The following SLC38A8 variants were observed in gnomAD, a reference collection of about 807,000 sequenced individuals.
The protein encoded by SLC38A8 is solute carrier family 38 member 8, also known as amino acid transporter SLC38A8.
In SLC38A8, 65 loss-of-function variants were observed where a neutral mutation model predicts 46.0. The observed-to-expected ratio is 1.41, with a 90% CI of 1.16 to 1.74. The LOEUF is 1.74. Among genes scored for constraint, SLC38A8 ranks in the 40% most tolerant of loss-of-function variants. The pLI is 0.00. For synonymous variants in SLC38A8, 447 were observed against 243.7 expected, an observed-to-expected ratio of 1.83 and a Z score of -7.77; for missense variants, 998 against 567.9, an observed-to-expected ratio of 1.76 and a Z score of -7.70.
chr16:84,018,334 G>A (rs939136770), intron 7 of SLC38A8, among the ~76,000 whole-genome samples: 28 of 142,176 alleles, frequency 2.0e-4, no homozygotes, highest in African/African-American at 6.6e-4. Flanking sequence ...CTGGGTTCAC[G>A]CCATTCTCCT....
In SLC38A8 at chr16:84,016,678, G is replaced by A. The variant is rs2085030555; in HGVS notation, c.1003C>T (p.Pro335Ser). The A allele has an allele frequency of 1.2e-6, 2 of 1,613,414 alleles. No homozygotes were observed. The highest frequency in any genetic ancestry group is 1.7e-6 in the Non-Finnish European group (2 of 1,179,994). The change falls in exon 9 of 11, where the codon CCC (proline) becomes TCC (serine). Residue 335 changes from proline to serine, a missense_variant. Coordinates refer to ENST00000299709, the MANE Select transcript of SLC38A8 (RefSeq NM_001080442.3). ...WRRSCLGGWG[P>S]SALADPSGLW... ...CCTGAGGGGTCGGCCAGGGCGCTGGGCCCCCATCCCCCCAAGCAGCTCCTC... is the reference window on the plus strand; with the variant it reads ...CCTGAGGGGTCGGCCAGGGCGCTGGACCCCCATCCCCCCAAGCAGCTCCTC...
chr16:84,027,408 G>A, intron 6 of SLC38A8, among the ~76,000 whole-genome samples: 1 of 152,128 alleles, frequency 6.6e-6, no homozygotes, highest in East Asian at 1.9e-4. Flanking sequence ...AAGTCCTGGT[G>A]TAGCCGCATT....
chr16:84,010,508 A>T (rs2084940766), intron 10 of SLC38A8, among the ~76,000 whole-genome samples: 1 of 152,120 alleles, frequency 6.6e-6, no homozygotes, highest in Non-Finnish European at 1.5e-5. Flanking sequence ...TGGGAGGCTG[A>T]GGCAGGCGGA....
chr16:84,016,823 C>G, intron 8 of SLC38A8, 96 bp from the exon 9 acceptor site: 1 of 1,309,974 alleles, frequency 7.6e-7, no homozygotes, highest in Non-Finnish European at 1.0e-6. Context: ...CCCCTCACAC[C>G]TGTCAGTGCT....
intron 7 of SLC38A8, among the ~76,000 whole-genome samples, chr16:84,020,416 G>A (rs1457576987): frequency 3.3e-5 from 5 of 152,184 alleles, no homozygotes; most frequent in African/African-American, 7.2e-5. Flanking sequence ...AAAAAATGCT[G>A]GGATTACAGG....
intron 6 of SLC38A8, among the ~76,000 whole-genome samples, chr16:84,028,450 T>C (rs562662982): frequency 1.3e-5 from 2 of 151,166 alleles, no homozygotes; most frequent in East Asian, 3.9e-4. Context: ...CCAGGCATGG[T>C]GGTGCACGCC....
intron 2 of SLC38A8, 99 bp from the exon 3 acceptor site, chr16:84,036,999 CCA>C: frequency 3.3e-6 from 4 of 1,227,772 alleles, no homozygotes; most frequent in Non-Finnish European, 4.5e-6. Flanking sequence ...GGCTTCTCAT[CCA>C]CAGAGGCCAG....
intron 6 of SLC38A8, among the ~76,000 whole-genome samples, chr16:84,025,213 G>A (rs77665480): frequency 0.025 from 3,788 of 152,194 alleles, 166 homozygotes; most frequent in African/African-American, 0.086. Context: ...TCCTGGGGCT[G>A]GTTCCCACCA....
intron 3 of SLC38A8, among the ~76,000 whole-genome samples, chr16:84,033,697 G>C (rs950521792): frequency 6.6e-5 from 10 of 152,146 alleles, no homozygotes; most frequent in African/African-American, 2.4e-4. Flanking sequence ...CCTTCCCCAA[G>C]CCCAGCACTG....
At chr16:84,037,724 G>C (rs1338584607) in intron 2 of SLC38A8, among the ~76,000 whole-genome samples, 1 of 149,534 alleles carries the variant, frequency 6.7e-6, no homozygotes, top group Non-Finnish European at 1.5e-5. Context: ...TTGTACCTCT[G>C]TACTCCAGCC....
rs759328380 is a variant in SLC38A8 at position 84,031,848 on chromosome 16, G to A, written c.632+19C>T. On this transcript the variant is annotated intron_variant, in intron 5 of 10. Transcript: ENST00000299709. Reference sequence around the variant, plus strand: ...TGCCTCCCCGCCGAGGCTGCCGGAAGCTGTTCCCTCAGACTTACCTCAGTG... The same window carrying A: ...TGCCTCCCCGCCGAGGCTGCCGGAAACTGTTCCCTCAGACTTACCTCAGTG... 8.7e-6 allele frequency: 14 copies of A among 1,609,498 alleles called. No individual in the cohort carries two copies. Among genetic ancestry groups the A allele is most frequent in the Non-Finnish European group, 1.2e-5 (14 of 1,176,180 alleles).
At chr16:84,017,323 T>G in intron 7 of SLC38A8, 36 bp from the exon 8 acceptor site, 4 of 1,610,526 alleles carry the variant, frequency 2.5e-6, no homozygotes, top group Non-Finnish European at 3.4e-6. Context: ...ACAGAGTGGA[T>G]TAGGAAAATG....
At position 84,013,422 on chromosome 16, in the gene SLC38A8, G is replaced by GTTTTTTTTTTGTTGT. The variant is rs369454720; in HGVS notation, c.1163-371_1163-370insACAACAAAAAAAAAA. On this transcript the variant is annotated intron_variant, in intron 9 of 10. Coordinates refer to ENST00000299709, the MANE Select transcript of SLC38A8 (RefSeq NM_001080442.3). ...ACCATTACTTTCTTTTGTTGTGTGTGTGTTTTTTTTTTTTTTTTTTTTTTT... is the reference window on the plus strand; with the variant it reads ...ACCATTACTTTCTTTTGTTGTGTGTGTTTTTTTTTTGTTGTTGTTTTTTTTTTTTTTTTTTTTTTT... 9.2e-4 allele frequency among the ~76,000 whole-genome samples: 100 copies of GTTTTTTTTTTGTTGT among 108,720 alleles called. 2 individuals are homozygous for GTTTTTTTTTTGTTGT. Among genetic ancestry groups the GTTTTTTTTTTGTTGT allele is most frequent in the African/African-American group, 3.7e-3 (92 of 24,540 alleles). The allele number at this position is 108,720 out of a possible 152,430, so 71.3% of individuals were successfully genotyped here.
chr16:84,027,360 A>AAAACAAAC (rs199701593), intron 6 of SLC38A8, among the ~76,000 whole-genome samples: 1 of 150,356 alleles, frequency 6.7e-6, no homozygotes, highest in Non-Finnish European at 1.5e-5. Context: ...AAGCAAAATT[A>AAAACAAAC]AAACAAACAA....
intron 9 of SLC38A8, among the ~76,000 whole-genome samples, chr16:84,014,557 A>G (rs1439924320): frequency 6.6e-6 from 1 of 151,664 alleles, no homozygotes; most frequent in South Asian, 2.1e-4. Context: ...TCCTCTCTAA[A>G]AGTTCCACCC....
At chr16:84,028,580 A>AAG (rs1555554690) in intron 6 of SLC38A8, among the ~76,000 whole-genome samples, 4 of 151,232 alleles carry the variant, frequency 2.6e-5, no homozygotes, top group African/African-American at 9.7e-5. Context: ...GAAAAAAAAA[A>AAG]AAAGAAAGAA....
In SLC38A8 at chr16:84,021,084, CAG is replaced by C. The variant is rs1171376486; in HGVS notation, c.805+1689_805+1690del. Among the ~76,000 whole-genome samples, 6 of 152,044 alleles carry C rather than the reference CAG, an allele frequency of 3.9e-5. No homozygotes were observed. The East Asian group carries it at 7.7e-4, about 20-fold the overall frequency. On this transcript the variant is annotated intron_variant, in intron 7 of 10. Transcript: ENST00000299709. ...TTTTTTGCCGGCAGGGGAGGGATGA[CAG>C]AGTCTCATTCTTGTTGCCCAGGCTG...
At chr16:84,010,650 G>A (rs1202455294) in intron 10 of SLC38A8, among the ~76,000 whole-genome samples, 2 of 152,168 alleles carry the variant, frequency 1.3e-5, no homozygotes, top group Non-Finnish European at 1.5e-5. Flanking sequence ...GGGAGGCTGA[G>A]GCAGAATTGC....
intron 2 of SLC38A8, 93 bp downstream of exon 2, chr16:84,041,876 A>T (rs1171269306): frequency 1.7e-6 from 2 of 1,144,020 alleles, no homozygotes; most frequent in Non-Finnish European, 2.5e-6. Context: ...CTTACAGGAC[A>T]CGCAACTCCG....
Sources: gnomAD v4.1 joint callset for allele counts (sites outside exome capture counted in the v4.1 genomes callset) on GRCh38, gnomAD v4.1.1 for gene constraint, MANE v1.5 for transcripts, NCBI Gene and HGNC (gene_info 2026-07-23, HGNC 2026-07-21) for gene names.